The following LIMS2 variants were observed in gnomAD, a reference collection of about 807,000 sequenced individuals.
LIMS2 encodes LIM zinc finger domain containing 2, also known as LIM and senescent cell antigen-like-containing domain protein 2.
LIMS2 carries 30 observed loss-of-function variants against 45.3 expected under a neutral mutation model. That is an observed-to-expected ratio of 0.66 (90% CI 0.50 to 0.90). The LOEUF (loss-of-function observed/expected upper bound fraction) is 0.90, where lower values mean the gene tolerates loss of function less well. Ranked by LOEUF, LIMS2 falls within the 40% of genes least tolerant of loss-of-function variation. The pLI, the probability that LIMS2 is intolerant of heterozygous loss-of-function variation, is 0.00. For synonymous variants in LIMS2, 173 were observed against 188.0 expected (o/e 0.92, Z 0.65); for missense variants, 485 against 468.7 (o/e 1.03, Z -0.32).
Position 127,671,170 on chromosome 2 carries a change from G to A in LIMS2, c.11+3844C>T, listed in dbSNP as rs996968323. On this transcript the variant is annotated intron_variant, in intron 1 of 9. Transcript: ENST00000355119. The surrounding 1 kb of genome is among the most constrained non-coding windows in gnomAD (Gnocchi z 4.1). ...ATGCAGGCTGGGCACGGTTGTTCAC[G>A]CCTGTAATCACAGCACTTTGGGAGG... Among the ~76,000 whole-genome samples, 5 of 152,098 alleles carry A rather than the reference G, an allele frequency of 3.3e-5. No individual in the cohort carries two copies. The highest frequency in any genetic ancestry group is 4.8e-5 in the African/African-American group (2 of 41,390).
In LIMS2 at chr2:127,647,525, C is replaced by T. The variant is rs969521128; in HGVS notation, c.360-4453G>A. On this transcript the variant is annotated intron_variant, in intron 4 of 9. Transcript: ENST00000355119. The surrounding 1 kb of genome is among the most constrained non-coding windows in gnomAD (Gnocchi z 4.3). ...CAGTCGTACCTATGAGCTGCTCTCTCGTGGGGCCAGGTGATGCCTGCACTG... is the reference window on the plus strand; with the variant it reads ...CAGTCGTACCTATGAGCTGCTCTCTTGTGGGGCCAGGTGATGCCTGCACTG... 2.6e-5 allele frequency among the ~76,000 whole-genome samples: 4 copies of T among 152,168 alleles called. No individual in the cohort carries two copies. The highest frequency in any genetic ancestry group is 4.4e-5 in the Non-Finnish European group (3 of 68,016).
chr2:127,655,252 T>C (rs1043017971), intron 2 of LIMS2: 1 of 361,980 alleles, frequency 2.8e-6, no homozygotes, highest in African/African-American at 2.1e-5. Flanking sequence ...GTAGTGTCAC[T>C]TGGTCCTATT....
intron 1 of LIMS2, among the ~76,000 whole-genome samples, chr2:127,660,587 C>T (rs1684567737): frequency 6.6e-6 from 1 of 152,192 alleles, no homozygotes; most frequent in African/African-American, 2.4e-5. Context: ...AAGACCACAA[C>T]CCCACCGGAA....
chr2:127,680,192 G>A (rs1208058450), upstream of LIMS2, among the ~76,000 whole-genome samples: 2 of 152,248 alleles, frequency 1.3e-5, no homozygotes, highest in South Asian at 4.1e-4. Context: ...GCCCTCCCGG[G>A]CGGCTCCCTG....
rs1020901882 is a variant in LIMS2, at chr2:127,674,623, G to A, written c.11+391C>T. ...AAGGCTCCAGAGATGACACTCACCG[G>A]GATCGGGGATCGCACAGCGCGGGCT... On this transcript the variant is annotated intron_variant, in intron 1 of 9. Coordinates refer to ENST00000355119, the MANE Select transcript of LIMS2 (RefSeq NM_001161403.3). The A allele has an allele frequency of 4.1e-6, 4 of 984,984 alleles. No individual in the cohort carries two copies. The African/African-American group carries it at 7.0e-5, about 17-fold the overall frequency. The allele number at this position is 984,984 out of a possible 1,614,324, so 61.0% of individuals were successfully genotyped here. A position where few individuals can be genotyped will look rare whatever the true frequency, so the allele number is the denominator to read the frequency against.
At chr2:127,648,542 A>C (rs989750734) in intron 4 of LIMS2, among the ~76,000 whole-genome samples, 1 of 152,110 alleles carries the variant, frequency 6.6e-6, no homozygotes, top group African/African-American at 2.4e-5. Flanking sequence ...TGCTGTGTCC[A>C]TGAACAGTCA....
In LIMS2 at chr2:127,664,281, A is replaced by ACCCGC. The variant is rs1684869472; in HGVS notation, c.12-6724_12-6720dup. ...CAGCTTTCCGGCCATTGTCCCCGCC[A>ACCCGC]CCCGCCCCGCCCCTGGCCACCTACC... On this transcript the variant is annotated intron_variant, in intron 1 of 9. Coordinates refer to ENST00000355119, the MANE Select transcript of LIMS2 (RefSeq NM_001161403.3). This position sits in a 1 kb window ranked among gnomAD's most constrained non-coding sequence, Gnocchi z 5.5. 1.6e-6 allele frequency: 2 copies of ACCCGC among 1,231,132 alleles called. No homozygotes were observed. Among genetic ancestry groups the ACCCGC allele is most frequent in the Non-Finnish European group, 2.0e-6 (2 of 987,924 alleles). The allele number at this position is 1,231,132 out of a possible 1,614,324, so 76.3% of individuals were successfully genotyped here. A position where few individuals can be genotyped will look rare whatever the true frequency, so the allele number is the denominator to read the frequency against.
At chr2:127,644,779 G>A (rs976608979) in intron 4 of LIMS2, among the ~76,000 whole-genome samples, 1 of 152,236 alleles carries the variant, frequency 6.6e-6, no homozygotes, top group Non-Finnish European at 1.5e-5. Flanking sequence ...GCTCAGGGTG[G>A]TTAGCTTCAA....
chr2:127,662,700 G>C (rs945380136), intron 1 of LIMS2, among the ~76,000 whole-genome samples: 1 of 151,334 alleles, frequency 6.6e-6, no homozygotes, highest in Non-Finnish European at 1.5e-5. Flanking sequence ...GCTAAATGAC[G>C]AGTTAATGGG....
At chr2:127,656,400 C>CA (rs1684252398) in intron 2 of LIMS2, among the ~76,000 whole-genome samples, 1 of 147,034 alleles carries the variant, frequency 6.8e-6, no homozygotes, top group African/African-American at 2.5e-5. Context: ...CACAAGCCTC[C>CA]TTTTTTTTTT....
In LIMS2 at chr2:127,673,534, G is replaced by C. The variant is rs1685367366; in HGVS notation, c.11+1480C>G. The C allele has an allele frequency of 3.7e-6, 3 of 808,030 alleles. No homozygotes were observed. In the East Asian group the frequency reaches 8.4e-5, roughly 23 times the overall value. 50.1% of individuals were successfully genotyped at this position (808,030 alleles called of 1,614,324 possible). ...TCACCTGACGGCCTCCGTCTCCAGGGAAAGGCCCAAGGGACTCAGGGGCAA... is the reference window on the plus strand; with the variant it reads ...TCACCTGACGGCCTCCGTCTCCAGGCAAAGGCCCAAGGGACTCAGGGGCAA... On this transcript the variant is annotated intron_variant, in intron 1 of 9. Coordinates refer to ENST00000355119, the MANE Select transcript of LIMS2 (RefSeq NM_001161403.3).
Position 127,653,671 on chromosome 2 carries a change from C to A in LIMS2, c.359+753G>T, listed in dbSNP as rs549634186. 6.6e-6 allele frequency among the ~76,000 whole-genome samples: 1 copy of A among 152,052 alleles called. No homozygotes were observed. Among genetic ancestry groups the A allele is most frequent in the East Asian group, 1.9e-4 (1 of 5,168 alleles). ...AGGGTCCCGGGTGCCAGAAGGGGGG[C>A]GTTTCTGCACCTCAGCAGCTGTGGT... On this transcript the variant is annotated intron_variant, in intron 4 of 9. Coordinates refer to ENST00000355119, the MANE Select transcript of LIMS2 (RefSeq NM_001161403.3). The surrounding 1 kb of genome is among the most constrained non-coding windows in gnomAD (Gnocchi z 5.3).
chr2:127,643,015 G>C lies in LIMS2; in HGVS notation c.417C>G (p.Ile139Met), dbSNP rs747708908. The C allele has an allele frequency of 6.3e-7, 1 of 1,585,148 alleles. No homozygotes were observed. Among genetic ancestry groups the C allele is most frequent in the South Asian group, 1.2e-5 (1 of 86,698 alleles). The stretch of plus-strand genomic sequence containing the variant: ...CGATGACCAGGTGGCACCGCTGGCA[G>C]ATGTACTTGCCCAGGCCCTTGGCCT... ...REKAKGLGKY[I>M]CQRCHLVIDE... Residue 139 changes from isoleucine (I) to methionine (M), a missense_variant, in exon 5 of 10, where the codon ATC becomes ATG. By Grantham distance (10) the Ile-to-Met change is conservative. Transcript: ENST00000355119.
intron 4 of LIMS2, chr2:127,650,670 G>A (rs751365582): frequency 7.5e-7 from 1 of 1,340,784 alleles, no homozygotes; most frequent in Admixed American, 1.9e-5. Context: ...GCGTGAAGCT[G>A]CCTAGATCGC....
At chr2:127,658,266 G>A (rs11895485) in intron 1 of LIMS2, among the ~76,000 whole-genome samples, 126 of 152,288 alleles carry the variant, frequency 8.3e-4, no homozygotes, top group African/African-American at 2.9e-3. Context: ...AGGTGTGGTG[G>A]TGCAAGCCTG....
intron 2 of LIMS2, chr2:127,655,321 T>G (rs1384066642): frequency 4.4e-6 from 1 of 227,592 alleles, no homozygotes; most frequent in Non-Finnish European, 8.9e-6. Flanking sequence ...GACCCGGGTA[T>G]AGGAGACAGA....
intron 7 of LIMS2, 77 bp from the exon 8 acceptor site, chr2:127,640,395 C>T: frequency 6.8e-7 from 1 of 1,473,238 alleles, no homozygotes; most frequent in Non-Finnish European, 9.4e-7. Context: ...GCCAGCCTGG[C>T]CCTCCAACAC....
Position 127,642,024 on chromosome 2 carries a change from C to A in LIMS2, c.660+25G>T. On this transcript the variant is annotated intron_variant, in intron 6 of 9. Coordinates refer to ENST00000355119, the MANE Select transcript of LIMS2 (RefSeq NM_001161403.3). This position sits in a 1 kb window ranked among gnomAD's most constrained non-coding sequence, Gnocchi z 5.3. ...AGCTGGGGCACCCCCCAACCTGAGG[C>A]CACGTGTCCACCAGCCTGGCTCACC... The A allele has an allele frequency of 6.2e-7, 1 of 1,607,304 alleles. No homozygotes were observed. The highest frequency in any genetic ancestry group is 8.5e-7 in the Non-Finnish European group (1 of 1,177,204).
At chr2:127,641,843 G>A in intron 6 of LIMS2, 1 of 540,986 alleles carries the variant, frequency 1.8e-6, no homozygotes, top group East Asian at 3.3e-5. Context: ...CCAACCGTGT[G>A]TGTGCACTCG....
Sources: gnomAD v4.1 joint callset for allele counts (sites outside exome capture counted in the v4.1 genomes callset) on GRCh38, gnomAD v4.1.1 for gene constraint, Gnocchi (gnomAD v3.1) non-coding constraint, MANE v1.5 for transcripts, NCBI Gene and HGNC (gene_info 2026-07-23, HGNC 2026-07-21) for gene names.